CUTC: variants seen among roughly 807,000 people sequenced by gnomAD.
CUTC encodes the protein cutC copper transporter, also known as copper homeostasis protein cutC homolog.
CUTC carries 27 observed loss-of-function variants against 36.2 expected under a neutral mutation model. The ratio of observed to expected loss-of-function variants is 0.75; its 90% CI spans 0.55 to 1.03. CUTC has a LOEUF of 1.03. Ranked by LOEUF, CUTC falls within the 50% of genes least tolerant of loss-of-function variation. The probability of loss-of-function intolerance (pLI) is 0.00; values close to 1 mark genes in which losing one functional copy is unlikely to be tolerated. For missense variants in CUTC, 315 were observed against 343.5 expected (o/e 0.92, Z 0.66); for synonymous variants, 114 against 118.3 (o/e 0.96, Z 0.24).
rs150813370 is a variant in CUTC at position 99,739,926 on chromosome 10, G to C, written c.193+157G>C. ...ATGATTGTAAAAAAATCAAAGATTT[G>C]ATCAAACATATTTCTTTCTCACATC... On this transcript the variant is annotated intron_variant, in intron 3 of 8. Coordinates refer to ENST00000370476, the MANE Select transcript of CUTC (RefSeq NM_015960.3). Among the ~76,000 whole-genome samples the C allele has an allele frequency of 7.9e-3, 1,199 of 152,276 alleles. 7 individuals carry two copies. The highest frequency in any genetic ancestry group is 0.024 in the Middle Eastern group (7 of 294).
chr10:99,748,896 A>C (rs2037398481), intron 6 of CUTC, among the ~76,000 whole-genome samples: 1 of 152,182 alleles, frequency 6.6e-6, no homozygotes, highest in Non-Finnish European at 1.5e-5. Flanking sequence ...AGAATATTGA[A>C]TGTGGACAGA....
chr10:99,734,523 A>G (rs1221445437), intron 1 of CUTC, among the ~76,000 whole-genome samples: 1 of 152,354 alleles, frequency 6.6e-6, no homozygotes, highest in Non-Finnish European at 1.5e-5. Flanking sequence ...AGTAAAAAGA[A>G]GAAAATAAAA....
At chr10:99,740,392 T>C (rs1429445365) in intron 3 of CUTC, among the ~76,000 whole-genome samples, 2 of 151,282 alleles carry the variant, frequency 1.3e-5, no homozygotes, top group Non-Finnish European at 2.9e-5. Context: ...TCCTTCATTT[T>C]TGAAAGGTAT....
intron 1 of CUTC, 126 bp downstream of exon 1, chr10:99,732,535 C>T (rs1446615897): frequency 2.0e-6 from 3 of 1,482,152 alleles, no homozygotes; most frequent in African/African-American, 1.4e-5. Flanking sequence ...CCTTGGGCGG[C>T]ACCTTCTATC....
intron 6 of CUTC, among the ~76,000 whole-genome samples, chr10:99,747,902 G>C (rs2037390666): frequency 6.6e-6 from 1 of 152,090 alleles, no homozygotes; most frequent in South Asian, 2.1e-4. Context: ...TCATCTGGAG[G>C]TAAATTCCAA....
intron 7 of CUTC, 140 bp from the exon 8 acceptor site, chr10:99,754,389 G>C (rs1338771040): frequency 1.5e-6 from 1 of 651,954 alleles, no homozygotes; most frequent in Non-Finnish European, 2.7e-6. Flanking sequence ...TCTCATTCTA[G>C]CTGGGTAGGG....
chr10:99,742,421 T>G (rs2037348086), intron 3 of CUTC, among the ~76,000 whole-genome samples: 1 of 152,204 alleles, frequency 6.6e-6, no homozygotes, highest in African/African-American at 2.4e-5. Context: ...CTAAAATCCC[T>G]AGAGCATGTC....
At chr10:99,746,804 T>G (rs898659195) in intron 5 of CUTC, among the ~76,000 whole-genome samples, 1 of 152,178 alleles carries the variant, frequency 6.6e-6, no homozygotes, top group African/African-American at 2.4e-5. Context: ...AGACAAGTCT[T>G]GCTCTGTCGT....
At chr10:99,742,336 T>G (rs1564656293) in intron 3 of CUTC, among the ~76,000 whole-genome samples, 1 of 152,138 alleles carries the variant, frequency 6.6e-6, no homozygotes, top group Non-Finnish European at 1.5e-5. Flanking sequence ...ATAATAGCAT[T>G]ATTTAATGTA....
At chr10:99,745,683 C>T (rs1455073750) in intron 5 of CUTC, among the ~76,000 whole-genome samples, 1 of 152,104 alleles carries the variant, frequency 6.6e-6, no homozygotes, top group Non-Finnish European at 1.5e-5. Context: ...ATGGTGAAAC[C>T]CCGTCTGTAC....
intron 5 of CUTC, among the ~76,000 whole-genome samples, chr10:99,744,827 C>G (rs1228982392): frequency 1.3e-5 from 2 of 152,176 alleles, no homozygotes; most frequent in African/African-American, 4.8e-5. Context: ...CGATCCGGCT[C>G]ACTACAACCT....
chr10:99,742,304 A>G (rs1165540105), intron 3 of CUTC, among the ~76,000 whole-genome samples: 1 of 152,058 alleles, frequency 6.6e-6, no homozygotes, highest in African/African-American at 2.4e-5. Flanking sequence ...GTGGTCTCCT[A>G]AGTTATGCTA....
rs1286977785 is a variant in CUTC at position 99,755,660 on chromosome 10, G to C, written c.743G>C (p.Cys248Ser). Residue 248 changes from cysteine (C) to serine (S), a missense_variant, in exon 9 of 9, where the codon TGC becomes TCC. By Grantham distance (112) the Cys-to-Ser change is moderately radical. Transcript: ENST00000370476. The part of the protein sequence containing the change: ...SSVAMGASLS[C>S]SEYSLKVTDV... Reference sequence around the variant, plus strand: ...GTTGCCATGGGAGCCTCACTTTCTTGCTCAGAATATTCCCTAAAGGTAACA... The same window carrying C: ...GTTGCCATGGGAGCCTCACTTTCTTCCTCAGAATATTCCCTAAAGGTAACA... The C allele has an allele frequency of 6.2e-7, 1 of 1,613,724 alleles. No homozygotes were observed. Among genetic ancestry groups the C allele is most frequent in the Non-Finnish European group, 8.5e-7 (1 of 1,179,728 alleles).
intron 7 of CUTC, among the ~76,000 whole-genome samples, chr10:99,753,272 C>A (rs1046305405): frequency 2.6e-5 from 4 of 152,112 alleles, no homozygotes; most frequent in African/African-American, 9.7e-5. Flanking sequence ...GTGAGGTAGC[C>A]AGTATTATCC....
At chr10:99,747,813 G>A (rs149593360) in intron 6 of CUTC, among the ~76,000 whole-genome samples, 116 of 152,242 alleles carry the variant, frequency 7.6e-4, no homozygotes, top group African/African-American at 2.7e-3. Context: ...GAGGCACTGC[G>A]CCCAGCCAGC....
rs770658248 is a variant in CUTC at position 99,750,346 on chromosome 10, TG to T, written c.574-22del. 5.5e-4 allele frequency: 851 copies of T among 1,546,712 alleles called. 5 individuals are homozygous for T. In the African/African-American group the frequency reaches 0.01, roughly 19 times the overall value. ...CAAGAGAAAGATATTAAAATTCACT[TG>T]TTTTTTTTTTTCTTTTTTCAGGCAA... On this transcript the variant is annotated intron_variant, in intron 6 of 8. Coordinates refer to ENST00000370476, the MANE Select transcript of CUTC (RefSeq NM_015960.3).
chr10:99,750,779 G>A (rs1347733825), intron 7 of CUTC, among the ~76,000 whole-genome samples: 2 of 152,112 alleles, frequency 1.3e-5, no homozygotes. Flanking sequence ...AATAAACAGG[G>A]TTTAAGCAAA....
At chr10:99,739,988 G>A (rs1039042787) in intron 3 of CUTC, among the ~76,000 whole-genome samples, 2 of 152,220 alleles carry the variant, frequency 1.3e-5, no homozygotes, top group Middle Eastern at 3.4e-3. Flanking sequence ...TGTTAATACC[G>A]GTTCAGCTGC....
At chr10:99,738,565 A>G (rs1321224378) in intron 2 of CUTC, among the ~76,000 whole-genome samples, 1 of 152,034 alleles carries the variant, frequency 6.6e-6, no homozygotes, top group Non-Finnish European at 1.5e-5. Flanking sequence ...AGCAACTGTG[A>G]TATTCATCTT....
Sources: gnomAD v4.1 joint callset for allele counts (sites outside exome capture counted in the v4.1 genomes callset) on GRCh38, gnomAD v4.1.1 for gene constraint, MANE v1.5 for transcripts, NCBI Gene and HGNC (gene_info 2026-07-23, HGNC 2026-07-21) for gene names.